AGBL1: variants seen among roughly 807,000 people sequenced by gnomAD.
AGBL1 encodes the protein AGBL carboxypeptidase 1, also known as cytosolic carboxypeptidase 4.
In AGBL1, 130 loss-of-function variants were observed where a neutral mutation model predicts 118.9. The observed-to-expected ratio is 1.09, with a 90% confidence interval of 0.95 to 1.26. AGBL1 has a LOEUF of 1.26. AGBL1 is among the 50% of genes most tolerant of loss of function. AGBL1 has a pLI of 0.00. For synonymous variants in AGBL1, 555 were observed against 478.9 expected (o/e 1.16, Z -2.08); for missense variants, 1,584 against 1,298.1 (o/e 1.22, Z -3.38).
At chr15:86,159,902 C>T (rs570148445) in intron 5 of AGBL1, among the ~76,000 whole-genome samples, 3 of 152,148 alleles carry the variant, frequency 2.0e-5, no homozygotes, top group Admixed American at 2.0e-4. Flanking sequence ...CAGCTCTCTA[C>T]ACCAAGCATT....
intron 15 of AGBL1, among the ~76,000 whole-genome samples, chr15:86,275,539 A>G (rs1445645689): frequency 6.6e-6 from 1 of 152,226 alleles, no homozygotes; most frequent in Non-Finnish European, 1.5e-5. Context: ...CTGAAAAGAA[A>G]CAATGACTTT....
intron 18 of AGBL1, among the ~76,000 whole-genome samples, chr15:86,410,636 C>A (rs774509991): frequency 6.7e-6 from 1 of 150,334 alleles, no homozygotes; most frequent in Non-Finnish European, 1.5e-5. Context: ...TGTTCTGATG[C>A]CTAAATTTCA....
At chr15:86,440,664 G>A (rs772411034) in intron 18 of AGBL1, among the ~76,000 whole-genome samples, 16 of 152,022 alleles carry the variant, frequency 1.1e-4, no homozygotes, top group South Asian at 2.1e-4. Context: ...ACACATATTC[G>A]TGAATGATAT....
chr15:86,628,107 A>T (rs1417123471), intron 21 of AGBL1, among the ~76,000 whole-genome samples: 2 of 152,186 alleles, frequency 1.3e-5, no homozygotes, highest in South Asian at 4.1e-4. Context: ...GGGCTAGTGC[A>T]GTCCTTCCAG....
chr15:86,277,745 C>A (rs1251134951), intron 15 of AGBL1, among the ~76,000 whole-genome samples: 1 of 152,210 alleles, frequency 6.6e-6, no homozygotes, highest in East Asian at 1.9e-4. Context: ...AGTCAAGATA[C>A]AGGCTCTGTC....
At chr15:86,950,314 A>G (rs989153525) in intron 23 of AGBL1, among the ~76,000 whole-genome samples, 1 of 151,570 alleles carries the variant, frequency 6.6e-6, no homozygotes, top group African/African-American at 2.4e-5. Context: ...AATAAAAAAC[A>G]AATGTAAAAT....
At chr15:86,995,419 C>CA (rs895670083) in intron 24 of AGBL1, among the ~76,000 whole-genome samples, 18 of 152,112 alleles carry the variant, frequency 1.2e-4, no homozygotes, top group African/African-American at 4.1e-4. Flanking sequence ...AACATAGGGG[C>CA]ACTAAGGTAC....
chr15:86,510,943 G>A (rs6496343), intron 18 of AGBL1, among the ~76,000 whole-genome samples: 7,168 of 152,064 alleles, frequency 0.047, 597 homozygotes, highest in African/African-American at 0.16. Context: ...TTGTCAGAAC[G>A]AGAGAGACAT....
chr15:86,987,867 A>G, intron 23 of AGBL1: 1 of 1,130,550 alleles, frequency 8.8e-7, no homozygotes, highest in Non-Finnish European at 1.2e-6. Flanking sequence ...TACTATATAT[A>G]TCCTATTAAA....
In AGBL1 at chr15:86,802,698, T is replaced by C. The variant is rs76800739; in HGVS notation, c.3159-104389T>C. On this transcript the variant is annotated intron_variant, in intron 22 of 22. Coordinates refer to ENST00000614907, the MANE Select transcript of AGBL1 (RefSeq NM_001386094.1). ...GAGGGACACACAAACAAACATGAAA[T>C]CTCAATATTGTGCTATAAATGCAAT... Among the ~76,000 whole-genome samples the C allele has an allele frequency of 9.8e-3, 1,487 of 152,212 alleles. 23 individuals carry two copies. The highest frequency in any genetic ancestry group is 0.061 in the Middle Eastern group (18 of 294).
At chr15:86,728,223 A>C (rs2086848683) in intron 22 of AGBL1, among the ~76,000 whole-genome samples, 1 of 152,236 alleles carries the variant, frequency 6.6e-6, no homozygotes, top group African/African-American at 2.4e-5. Flanking sequence ...GTTACCCAGG[A>C]AATACACAGT....
At chr15:87,015,987 T>C (rs1032198578) in intron 24 of AGBL1, among the ~76,000 whole-genome samples, 3 of 152,318 alleles carry the variant, frequency 2.0e-5, no homozygotes, top group Non-Finnish European at 4.4e-5. Context: ...TGAAGACTTC[T>C]TGCTCTGCCT....
chr15:86,560,299 C>T (rs1388838413), intron 21 of AGBL1, among the ~76,000 whole-genome samples: 2 of 150,176 alleles, frequency 1.3e-5, no homozygotes, highest in South Asian at 4.3e-4. Context: ...CCTCCCCACC[C>T]CCGCAACAGT....
chr15:86,930,724 G>C (rs2080594536), intron 23 of AGBL1, among the ~76,000 whole-genome samples: 1 of 152,118 alleles, frequency 6.6e-6, no homozygotes, highest in Non-Finnish European at 1.5e-5. Flanking sequence ...TATTTTCAAA[G>C]TGAGATAGAT....
At chr15:86,822,245 T>C (rs1001831232) in intron 22 of AGBL1, among the ~76,000 whole-genome samples, 6 of 152,168 alleles carry the variant, frequency 3.9e-5, no homozygotes, top group Non-Finnish European at 8.8e-5. Flanking sequence ...CAATGGGTTG[T>C]TCTTGATCAC....
At chr15:86,730,617 G>C (rs1324181214) in intron 22 of AGBL1, among the ~76,000 whole-genome samples, 1 of 151,940 alleles carries the variant, frequency 6.6e-6, no homozygotes, top group Non-Finnish European at 1.5e-5. Context: ...TTTCCTGGTA[G>C]CCTTGACTAT....
intron 21 of AGBL1, among the ~76,000 whole-genome samples, chr15:86,625,917 G>A (rs2084879913): frequency 6.6e-6 from 1 of 152,156 alleles, no homozygotes. Context: ...AGAATCGAAT[G>A]AAGAAGCTGT....
chr15:86,824,198 A>G (rs374139192), intron 22 of AGBL1, among the ~76,000 whole-genome samples: 1 of 152,082 alleles, frequency 6.6e-6, no homozygotes, highest in Admixed American at 6.6e-5. Flanking sequence ...ATCCTACCCA[A>G]TACCCCCCAA....
intron 24 of AGBL1, among the ~76,000 whole-genome samples, chr15:87,014,297 C>T (rs1244875880): frequency 6.6e-6 from 1 of 152,140 alleles, no homozygotes; most frequent in Admixed American, 6.6e-5. Context: ...AGAAAAATTG[C>T]ATTCTTATTT....
Sources: allele counts gnomAD v4.1 joint callset (sites outside exome capture counted in the v4.1 genomes callset), GRCh38; gene constraint gnomAD v4.1.1; transcripts MANE v1.5; gene names NCBI Gene and HGNC (gene_info 2026-07-23, HGNC 2026-07-21).